COL27A1: variants seen among roughly 807,000 people sequenced by gnomAD.
The protein encoded by COL27A1 is collagen alpha-1(XXVII) chain.
In COL27A1, 106 loss-of-function variants were observed where a neutral mutation model predicts 251.3. The observed-to-expected ratio is 0.42, with a 90% CI of 0.36 to 0.50. The LOEUF (loss-of-function observed/expected upper bound fraction) is 0.50, where lower values mean the gene tolerates loss of function less well. COL27A1 is among the 20% of genes least tolerant of loss of function. COL27A1 has a pLI of 0.00. For missense variants in COL27A1, 2,325 were observed against 2,522.8 expected (o/e 0.92, Z 1.68); for synonymous variants, 1,000 against 986.3 (o/e 1.01, Z -0.26).
At chr9:114,288,356 C>A in intron 41 of COL27A1, 99 bp from the exon 42 acceptor site, 1 of 1,239,878 alleles carries the variant, frequency 8.1e-7, no homozygotes, top group Non-Finnish European at 1.2e-6. Context: ...TAACCCTAAG[C>A]AGGCTAGAAT....
intron 28 of COL27A1, among the ~76,000 whole-genome samples, chr9:114,262,066 T>A (rs1834378981): frequency 6.6e-6 from 1 of 152,140 alleles, no homozygotes; most frequent in Non-Finnish European, 1.5e-5. Context: ...GGTGTATGTC[T>A]CAGCGAGAGA....
chr9:114,269,196 G>C (rs761268176), intron 34 of COL27A1, 45 bp from the exon 35 acceptor site: 1 of 1,469,814 alleles, frequency 6.8e-7, no homozygotes, highest in South Asian at 1.2e-5. Flanking sequence ...GAGAGCTGGG[G>C]CTGGCCCTAC....
intron 13 of COL27A1, among the ~76,000 whole-genome samples, chr9:114,221,817 C>G (rs1357395061): frequency 6.6e-6 from 1 of 152,214 alleles, no homozygotes; most frequent in Non-Finnish European, 1.5e-5. Flanking sequence ...GCTTGGAGCC[C>G]TCATGGCTTT....
At chr9:114,273,282 T>G (rs1732945966) in intron 36 of COL27A1, 1 of 152,298 alleles carries the variant, frequency 6.6e-6, no homozygotes, top group Non-Finnish European at 1.5e-5. Flanking sequence ...CAGCCCCCTG[T>G]CTTCATGCCA....
At chr9:114,239,508 G>T (rs1384437899) in intron 19 of COL27A1, among the ~76,000 whole-genome samples, 1 of 152,230 alleles carries the variant, frequency 6.6e-6, no homozygotes, top group Non-Finnish European at 1.5e-5. Context: ...TGCGTAACAG[G>T]TCTCCAAATT....
intron 12 of COL27A1, among the ~76,000 whole-genome samples, chr9:114,215,642 T>C (rs1588679184): frequency 6.6e-6 from 1 of 152,264 alleles, no homozygotes; most frequent in South Asian, 2.1e-4. Flanking sequence ...ATATGGCTGC[T>C]TCGAGTGCAG....
In COL27A1 at chr9:114,167,732, C is replaced by T. The variant is rs138977561; in HGVS notation, c.177C>T (p.Ala59=). Residue 59 remains alanine (A), a synonymous_variant, in exon 3 of 61, where the codon GCC becomes GCT. Coordinates refer to ENST00000356083, the MANE Select transcript of COL27A1 (RefSeq NM_032888.4). ...LQRLGLSWTK[A]GSPAPPGVIP... The stretch of plus-strand genomic sequence containing the variant: ...GGCTGGGCCTCAGCTGGACGAAGGC[C>T]GGGAGCCCTGCACCCCCGGGAGTCA... 66 of 1,613,570 alleles carry T rather than the reference C, an allele frequency of 4.1e-5. No individual in the cohort carries two copies. The highest frequency in any genetic ancestry group is 1.6e-4 in the Middle Eastern group (1 of 6,084).
chr9:114,301,162 C>A, intron 52 of COL27A1, 37 bp downstream of exon 52: 1 of 1,612,900 alleles, frequency 6.2e-7, no homozygotes, highest in Non-Finnish European at 8.5e-7. Flanking sequence ...CTCCGGGGTC[C>A]CCTTGCCTTC....
intron 2 of COL27A1, among the ~76,000 whole-genome samples, chr9:114,165,649 T>TATCCATCCATCCATCCATCCATCCATCC (rs58004565): frequency 7.3e-6 from 1 of 136,442 alleles, no homozygotes; most frequent in Non-Finnish European, 1.6e-5. Context: ...TCCATCCATT[T>TATCCATCCATCCATCCATCCATCCATCC]ATCCATCCAT....
At chr9:114,166,984 G>C (rs912954355) in intron 2 of COL27A1, among the ~76,000 whole-genome samples, 5 of 152,188 alleles carry the variant, frequency 3.3e-5, no homozygotes, top group African/African-American at 1.2e-4. Context: ...GCAGATGGCA[G>C]CCCCGTAGCC....
intron 49 of COL27A1, among the ~76,000 whole-genome samples, chr9:114,295,583 T>A (rs1828206931): frequency 6.6e-6 from 1 of 152,198 alleles, no homozygotes; most frequent in African/African-American, 2.4e-5. Flanking sequence ...TTGCCGTAAA[T>A]AACTAACAGA....
intron 1 of COL27A1, 124 bp from the exon 2 acceptor site, chr9:114,162,591 C>G: frequency 1.4e-6 from 1 of 711,034 alleles, no homozygotes; most frequent in Non-Finnish European, 2.5e-6. Context: ...ACCTGGCCTC[C>G]TGCCTCCCGT....
intron 34 of COL27A1, among the ~76,000 whole-genome samples, 171 bp downstream of exon 34, chr9:114,267,728 C>A (rs1284289253): frequency 6.6e-6 from 1 of 152,114 alleles, no homozygotes; most frequent in Non-Finnish European, 1.5e-5. Context: ...GAATGTGGAG[C>A]CCCCACCAGT....
rs375311559 is a variant in COL27A1, at chr9:114,301,309, G to A, written c.4781G>A (p.Arg1594His). Residue 1594 changes from arginine (R) to histidine (H), a missense_variant, in exon 53 of 61, where the codon CGT becomes CAT. Transcript: ENST00000356083. The stretch of plus-strand genomic sequence containing the variant: ...GGTCCGAAGGGTGACAAAGGCAGCC[G>A]TGGGGACTGGGTAAGTGGATGGGCT... ...LPGPKGDKGS[R>H]GDWGLQGPRG... The A allele has an allele frequency of 1.1e-5, 18 of 1,613,330 alleles. No homozygotes were observed. Among genetic ancestry groups the A allele is most frequent in the Middle Eastern group, 1.7e-4 (1 of 6,056 alleles).
Position 114,183,191 on chromosome 9 carries a change from G to C in COL27A1, c.2016+116G>C, listed in dbSNP as rs545024748. 84 of 992,500 alleles carry C rather than the reference G, an allele frequency of 8.5e-5. No individual in the cohort carries two copies. The African/African-American group carries it at 1.1e-3, about 14-fold the overall frequency. 61.5% of individuals were successfully genotyped at this position (992,500 alleles called of 1,614,324 possible). A position where few individuals can be genotyped will look rare whatever the true frequency, so the allele number is the denominator to read the frequency against. On this transcript the variant is annotated intron_variant, in intron 5 of 60. Transcript: ENST00000356083. ...TTCAGGGGAACTGAGGGGGATTCCC[G>C]CCTAAGCCAGGGGCACCCTCTGGGC... is the stretch of plus-strand genomic sequence containing the variant.
rs1199870905 is a variant in COL27A1, at chr9:114,288,058, AT to A, written c.3988-396del. On this transcript the variant is annotated intron_variant, in intron 41 of 60. Transcript: ENST00000356083. ...CTCACCACTCCTTGATGGGCATCACATGCTGTCCCCTTCACCCCACCCCACT... is the reference window on the plus strand; with the variant it reads ...CTCACCACTCCTTGATGGGCATCACAGCTGTCCCCTTCACCCCACCCCACT... Among the ~76,000 whole-genome samples the A allele has an allele frequency of 2.6e-5, 4 of 152,038 alleles. No homozygotes were observed. The East Asian group carries it at 7.7e-4, about 29-fold the overall frequency.
At chr9:114,270,303 G>A (rs1835052434) in intron 35 of COL27A1, among the ~76,000 whole-genome samples, 1 of 152,216 alleles carries the variant, frequency 6.6e-6, no homozygotes, top group African/African-American at 2.4e-5. Context: ...GCCAGTGAAT[G>A]AGAAACCAAG....
At position 114,290,868 on chromosome 9, in the gene COL27A1, A is replaced by G. The variant is rs1408048816; in HGVS notation, c.4427A>G (p.Asn1476Ser). The change falls in exon 48 of 61, where the codon AAT becomes AGT. Residue 1476 changes from asparagine to serine, a missense_variant. By Grantham distance (46) the Asn-to-Ser change is conservative. This residue lies in a region of COL27A1 where 153 missense variants were observed against 140.7 expected (regional missense o/e 1.09). Coordinates refer to ENST00000356083, the MANE Select transcript of COL27A1 (RefSeq NM_032888.4). This position sits in a 1 kb window ranked among gnomAD's most constrained non-coding sequence, Gnocchi z 4.6. Reference protein sequence around the residue: ...GPMGPAGKRGNPGVAGLPGAQ... With the variant: ...GPMGPAGKRGSPGVAGLPGAQ... ...ATGGGCCCTGCTGGGAAGAGAGGAA[A>G]TCCAGGTGTGGCCGGCTTACCTGGA... is the stretch of plus-strand genomic sequence containing the variant. 6.4e-7 allele frequency: 1 copy of G among 1,551,896 alleles called. No homozygotes were observed. The highest frequency in any genetic ancestry group is 1.2e-5 in the South Asian group (1 of 84,096).
At chr9:114,172,885 C>T (rs1849420878) in intron 3 of COL27A1, among the ~76,000 whole-genome samples, 1 of 152,238 alleles carries the variant, frequency 6.6e-6, no homozygotes, top group South Asian at 2.1e-4. Context: ...CTCCCCAGGG[C>T]TCAGTCTTCC....
Sources: allele counts gnomAD v4.1 joint callset (sites outside exome capture counted in the v4.1 genomes callset), GRCh38; gene constraint gnomAD v4.1.1; regional missense constraint gnomAD v4.1.1; non-coding constraint Gnocchi (gnomAD v3.1); transcripts MANE v1.5; gene names NCBI Gene and HGNC (gene_info 2026-07-23, HGNC 2026-07-21).